Variants in DHX35 observed in about 807,000 individuals in gnomAD.
DHX35 encodes the protein probable ATP-dependent RNA helicase DHX35.
Under a neutral mutation model 99.6 loss-of-function variants are expected in DHX35, and 84 were observed. The ratio of observed to expected loss-of-function variants is 0.84; its 90% CI spans 0.71 to 1.01. DHX35 has a LOEUF of 1.01. Ranked by LOEUF, DHX35 falls within the 50% of genes least tolerant of loss-of-function variation. DHX35 has a pLI of 0.00. For synonymous variants in DHX35, 331 were observed against 316.2 expected, an observed-to-expected ratio of 1.05 and a Z score of -0.50; for missense variants, 852 against 888.5, an observed-to-expected ratio of 0.96 and a Z score of 0.52.
chr20:39,027,730 T>C (rs925390538), intron 18 of DHX35, among the ~76,000 whole-genome samples: 2 of 152,208 alleles, frequency 1.3e-5, no homozygotes, highest in Admixed American at 6.5e-5. Context: ...CCAGTTATCA[T>C]TGTAAAATGC....
intron 3 of DHX35, among the ~76,000 whole-genome samples, chr20:38,980,144 C>CA (rs2086149536): frequency 6.6e-6 from 1 of 152,012 alleles, no homozygotes; most frequent in Non-Finnish European, 1.5e-5. Flanking sequence ...CTGAATCACA[C>CA]AGGGTATTGA....
chr20:39,017,364 C>G (rs1001989101), intron 14 of DHX35, among the ~76,000 whole-genome samples: 6 of 129,360 alleles, frequency 4.6e-5, no homozygotes, highest in Non-Finnish European at 8.2e-5. Context: ...GTTTCCACCC[C>G]CTTCTTCTCA....
intron 3 of DHX35, among the ~76,000 whole-genome samples, chr20:38,974,087 G>A (rs2086041397): frequency 6.6e-6 from 1 of 152,212 alleles, no homozygotes; most frequent in East Asian, 1.9e-4. Context: ...TGGATCCTGT[G>A]TTCAACTTTA....
At chr20:38,976,721 T>A (rs2086085370) in intron 3 of DHX35, among the ~76,000 whole-genome samples, 1 of 152,182 alleles carries the variant, frequency 6.6e-6, no homozygotes, top group African/African-American at 2.4e-5. Context: ...AACTCTGTGC[T>A]TGTTGACCAA....
At chr20:38,971,714 A>G (rs1386675056) in intron 2 of DHX35, among the ~76,000 whole-genome samples, 1 of 152,208 alleles carries the variant, frequency 6.6e-6, no homozygotes, top group East Asian at 1.9e-4. Flanking sequence ...TGCAGTTACT[A>G]GGGTATTATT....
intron 19 of DHX35, 69 bp downstream of exon 19, chr20:39,028,568 A>G: frequency 6.7e-7 from 1 of 1,494,068 alleles, no homozygotes; most frequent in Non-Finnish European, 9.3e-7. Context: ...CCCCACAGAA[A>G]GCTGTGCAGA....
chr20:38,990,241 G>A (rs980881700), intron 5 of DHX35, among the ~76,000 whole-genome samples: 3 of 152,152 alleles, frequency 2.0e-5, no homozygotes, highest in Non-Finnish European at 4.4e-5. Flanking sequence ...TTCTCACTAC[G>A]TATGTATGTG....
intron 15 of DHX35, among the ~76,000 whole-genome samples, chr20:39,020,656 C>CTTTTGTTTT (rs2086859415): frequency 9.5e-6 from 1 of 105,218 alleles, no homozygotes; most frequent in African/African-American, 3.8e-5. Context: ...AAACAGGATT[C>CTTTTGTTTT]TTTTTTTTTT....
intron 14 of DHX35, 103 bp downstream of exon 14, chr20:39,015,037 A>G: frequency 7.4e-7 from 1 of 1,345,670 alleles, no homozygotes; most frequent in Non-Finnish European, 1.1e-6. Context: ...CAGGAATGGG[A>G]TTGGTTCTCC....
chr20:38,966,730 C>T (rs192143798), intron 1 of DHX35, among the ~76,000 whole-genome samples: 215 of 152,160 alleles, frequency 1.4e-3, no homozygotes, highest in African/African-American at 4.8e-3. Context: ...GGGAGGAATA[C>T]GGTAGTACAA....
At chr20:39,003,679 T>C (rs1250061654) in intron 10 of DHX35, 70 bp from the exon 11 acceptor site, 7 of 1,536,372 alleles carry the variant, frequency 4.6e-6, no homozygotes, top group Non-Finnish European at 6.2e-6. Context: ...TTTTATTTTC[T>C]TTCAGTATGA....
intron 8 of DHX35, among the ~76,000 whole-genome samples, chr20:38,995,205 T>C (rs1043408629): frequency 3.9e-5 from 6 of 152,238 alleles, no homozygotes; most frequent in African/African-American, 1.4e-4. Flanking sequence ...CTATACTGTA[T>C]AGATTTAGAT....
intron 1 of DHX35, 123 bp downstream of exon 1, chr20:38,962,530 C>T (rs980038623): frequency 5.6e-6 from 7 of 1,251,338 alleles, no homozygotes; most frequent in African/African-American, 4.5e-5. Flanking sequence ...TGGGCGCTGC[C>T]GCCTCTGTGC....
chr20:39,023,720 G>T lies in DHX35; in HGVS notation c.1624G>T (p.Glu542Ter). ...IRVHRKFAVE[E>*]GDHLTMLNIY... ...AGTGCACCGTAAATTTGCTGTGGAG[G>T]AGGGCGACCACCTCACTATGCTCAA... The change falls in exon 17 of 22, where the codon GAG becomes TAG. Residue 542 changes from glutamate (E) to a stop codon, truncating the protein, a stop_gained. Coordinates refer to ENST00000252011, the MANE Select transcript of DHX35 (RefSeq NM_021931.4). LOFTEE classifies it high-confidence loss of function. 1 of 1,614,080 alleles carries T rather than the reference G, an allele frequency of 6.2e-7. No homozygotes were observed. The highest frequency in any genetic ancestry group is 8.5e-7 in the Non-Finnish European group (1 of 1,179,996).
At chr20:39,027,467 AAAG>A (rs1470254538) in intron 18 of DHX35, among the ~76,000 whole-genome samples, 4 of 152,354 alleles carry the variant, frequency 2.6e-5, no homozygotes, top group Admixed American at 2.0e-4. Flanking sequence ...AAAATTCACA[AAAG>A]AAGAAATATG....
intron 1 of DHX35, among the ~76,000 whole-genome samples, chr20:38,966,288 G>C (rs929702577): frequency 1.3e-5 from 2 of 152,242 alleles, no homozygotes; most frequent in Non-Finnish European, 2.9e-5. Context: ...GTTTATAGAG[G>C]GAAAGCAGCC....
Position 38,983,725 on chromosome 20 carries a change from T to A in DHX35, c.294T>A (p.Ala98=). Residue 98 remains alanine, a synonymous_variant, in exon 4 of 22, where the codon GCT becomes GCA. Coordinates refer to ENST00000252011, the MANE Select transcript of DHX35 (RefSeq NM_021931.4). ...ACCTTGCAGAAGCCGGCTGGACAGC[T>A]GAAGGAAGAGTGGTAGGAGTGACCC... ...PQYLAEAGWT[A]EGRVVGVTQP... The A allele has an allele frequency of 6.2e-7, 1 of 1,614,152 alleles. No homozygotes were observed. Among genetic ancestry groups the A allele is most frequent in the Non-Finnish European group, 8.5e-7 (1 of 1,180,000 alleles).
chr20:38,972,877 T>C (rs191436603), intron 3 of DHX35, among the ~76,000 whole-genome samples: 320 of 152,364 alleles, frequency 2.1e-3, no homozygotes, highest in Middle Eastern at 0.014. Context: ...AGTAATGGAA[T>C]GGCCATCTTC....
intron 8 of DHX35, among the ~76,000 whole-genome samples, chr20:38,997,046 T>TTTTATTTATTTA (rs143900166): frequency 1.2e-3 from 174 of 149,012 alleles, no homozygotes; most frequent in African/African-American, 3.4e-3. Context: ...CTTAGATTCA[T>TTTTATTTATTTA]TTTATTTATT....
Sources: gnomAD v4.1 joint callset for allele counts (sites outside exome capture counted in the v4.1 genomes callset) on GRCh38, gnomAD v4.1.1 for gene constraint, MANE v1.5 for transcripts, NCBI Gene and HGNC (gene_info 2026-07-23, HGNC 2026-07-21) for gene names.